Variants in CC2D2B observed in about 807,000 individuals in gnomAD.
CC2D2B encodes coiled-coil and C2 domain containing 2B.
A neutral mutation model predicts 161.2 loss-of-function variants in CC2D2B; 128 were observed. That is an observed-to-expected ratio of 0.79 (90% CI 0.69 to 0.92). The LOEUF (loss-of-function observed/expected upper bound fraction) is 0.92. Among genes scored for constraint, CC2D2B ranks in the 40% least tolerant of loss-of-function variants. CC2D2B has a pLI of 0.00. For missense variants in CC2D2B, 1,173 were observed against 1,375.1 expected, an observed-to-expected ratio of 0.85 and a Z score of 2.32; for synonymous variants, 391 against 449.8, an observed-to-expected ratio of 0.87 and a Z score of 1.65.
intron 32 of CC2D2B, chr10:96,021,568 T>A (rs2079462147): frequency 6.6e-6 from 1 of 152,130 alleles, no homozygotes; most frequent in Admixed American, 6.5e-5. Context: ...GTCATGCATA[T>A]CTACATGAAA....
chr10:95,918,393 T>C (rs1051399157), intron 2 of CC2D2B, among the ~76,000 whole-genome samples: 2 of 152,236 alleles, frequency 1.3e-5, no homozygotes, highest in African/African-American at 4.8e-5. Context: ...TACAATTTTC[T>C]AGGATAAAAA....
At chr10:95,907,832 C>G (rs1031582016), upstream of CC2D2B, 1 of 152,534 alleles carries the variant, frequency 6.6e-6, no homozygotes, top group Non-Finnish European at 1.5e-5. Context: ...GGCGAACAGA[C>G]TTGGCGCACC....
intron 20 of CC2D2B, 113 bp downstream of exon 20, chr10:95,988,455 G>A (rs575908377): frequency 9.6e-6 from 4 of 417,714 alleles, no homozygotes; most frequent in South Asian, 1.3e-4. Context: ...CCACTCACTC[G>A]TCACCTCTTT....
intron 32 of CC2D2B, among the ~76,000 whole-genome samples, chr10:96,021,861 A>G (rs1202041096): frequency 6.6e-6 from 1 of 152,248 alleles, no homozygotes; most frequent in East Asian, 1.9e-4. Flanking sequence ...CAAATATGGA[A>G]GAATGCAAAG....
chr10:95,974,575 TA>T (rs1486743082), intron 17 of CC2D2B, among the ~76,000 whole-genome samples: 1 of 152,198 alleles, frequency 6.6e-6, no homozygotes, highest in East Asian at 1.9e-4. Context: ...TAGAAATAAG[TA>T]CAGTAAATTC....
At chr10:95,952,599 T>G (rs2076441680) in intron 10 of CC2D2B, among the ~76,000 whole-genome samples, 1 of 152,086 alleles carries the variant, frequency 6.6e-6, no homozygotes, top group South Asian at 2.1e-4. Flanking sequence ...CAGGCTGGAC[T>G]CAAACTCCTG....
At chr10:96,021,102 A>T (rs567062729) in intron 32 of CC2D2B, 1 of 152,242 alleles carries the variant, frequency 6.6e-6, no homozygotes, top group Non-Finnish European at 1.5e-5. Flanking sequence ...GCAAAAAAAA[A>T]TGTGTGATCA....
intron 17 of CC2D2B, among the ~76,000 whole-genome samples, chr10:95,974,501 C>T (rs2077247823): frequency 6.6e-6 from 1 of 152,090 alleles, no homozygotes; most frequent in African/African-American, 2.4e-5. Context: ...TATGCATTAT[C>T]ATCATTCTGG....
rs1404752321 is a variant in CC2D2B, at chr10:95,995,332, C to A, written c.2706C>A (p.Ile902=). The A allele has an allele frequency of 2.6e-6, 4 of 1,530,080 alleles. No homozygotes were observed. The highest frequency in any genetic ancestry group is 1.4e-5 in the African/African-American group (1 of 72,852). The allele number at this position is 1,530,080 out of a possible 1,614,324, so 94.8% of individuals were successfully genotyped here. A position where few individuals can be genotyped will look rare whatever the true frequency, so the allele number is the denominator to read the frequency against. Residue 902 remains isoleucine, a synonymous_variant, in exon 23 of 35, where the codon ATC becomes ATA. Coordinates refer to ENST00000646931, the MANE Select transcript of CC2D2B (RefSeq NM_001349008.3). ...SISCLRHRET[I]KSVASDETLH... The stretch of plus-strand genomic sequence containing the variant: ...CTTGCCTCAGACATAGAGAAACAAT[C>A]AAATCAGTAGCCTCAGATGAGACCT...
At chr10:95,912,083 A>G (rs917772377) in intron 2 of CC2D2B, among the ~76,000 whole-genome samples, 11 of 152,188 alleles carry the variant, frequency 7.2e-5, no homozygotes, top group African/African-American at 2.7e-4. Context: ...AACTGTGATC[A>G]TGTCAATAGC....
intron 17 of CC2D2B, among the ~76,000 whole-genome samples, chr10:95,976,605 G>C (rs1337407262): frequency 1.3e-5 from 2 of 152,202 alleles, no homozygotes. Context: ...CCAGAGGGCA[G>C]GACTGACTTG....
At chr10:95,934,173 A>C (rs2075720671) in intron 6 of CC2D2B, among the ~76,000 whole-genome samples, 1 of 152,140 alleles carries the variant, frequency 6.6e-6, no homozygotes, top group Non-Finnish European at 1.5e-5. Flanking sequence ...GGCTTTGTTT[A>C]CACTGTAAGG....
intron 2 of CC2D2B, among the ~76,000 whole-genome samples, chr10:95,911,627 CA>C (rs2098506522): frequency 6.6e-6 from 1 of 152,144 alleles, no homozygotes; most frequent in Non-Finnish European, 1.5e-5. Context: ...ACCTAGCCAA[CA>C]AGCCATTCCC....
At chr10:95,927,090 G>A (rs1303193411) in intron 5 of CC2D2B, 147 bp from the exon 6 acceptor site, 4 of 528,010 alleles carry the variant, frequency 7.6e-6, no homozygotes, top group Non-Finnish European at 1.3e-5. Flanking sequence ...CAGACTCAAA[G>A]CTAAATATAC....
At chr10:96,022,831 G>T (rs1388658388) in intron 32 of CC2D2B, 1 of 152,260 alleles carries the variant, frequency 6.6e-6, no homozygotes, top group Non-Finnish European at 1.5e-5. Context: ...AGATATTATG[G>T]TGCTTTGGGG....
chr10:95,997,208 T>C (rs984105786), intron 24 of CC2D2B, among the ~76,000 whole-genome samples: 2 of 152,250 alleles, frequency 1.3e-5, no homozygotes, highest in African/African-American at 4.8e-5. Context: ...TTCTGTTGTA[T>C]AAAAATGCCA....
chr10:95,993,767 T>G (rs1187392436), intron 22 of CC2D2B, among the ~76,000 whole-genome samples: 1 of 141,594 alleles, frequency 7.1e-6, no homozygotes, highest in East Asian at 2.0e-4. Flanking sequence ...ATAGAAAGAG[T>G]GTGTATATAT....
In CC2D2B at chr10:96,004,178, C is replaced by G; in HGVS notation, c.2876C>G (p.Ser959Ter). 1 of 1,549,856 alleles carries G rather than the reference C, an allele frequency of 6.5e-7. No individual in the cohort carries two copies. The highest frequency in any genetic ancestry group is 8.7e-7 in the Non-Finnish European group (1 of 1,150,796). ...FVSPGHDYSF[S>*]SLSKIKDNIY... ...TCACCAGGACATGATTATAGCTTCT[C>G]AAGCTTATCTAAAATAAAAGATAAC... Residue 959 changes from serine to a stop codon, truncating the protein, a stop_gained, in exon 25 of 35, where the codon TCA (serine) becomes TGA (stop). Transcript: ENST00000646931. LOFTEE classifies it high-confidence loss of function.
At chr10:96,000,516 A>G (rs2078439769) in intron 24 of CC2D2B, among the ~76,000 whole-genome samples, 2 of 151,918 alleles carry the variant, frequency 1.3e-5, no homozygotes, top group African/African-American at 4.8e-5. Context: ...GGTGCCTGCC[A>G]CCACGCCCAG....
Sources: gnomAD v4.1 joint callset for allele counts (sites outside exome capture counted in the v4.1 genomes callset) on GRCh38, gnomAD v4.1.1 for gene constraint, MANE v1.5 for transcripts, NCBI Gene and HGNC (gene_info 2026-07-23, HGNC 2026-07-21) for gene names.